The following TXNDC9 variants were observed in gnomAD, a reference collection of about 807,000 sequenced individuals.
TXNDC9 encodes thioredoxin domain containing 9, also known as thioredoxin domain-containing protein 9.
In TXNDC9, 7 loss-of-function variants were observed where a neutral mutation model predicts 23.0. That is an observed-to-expected ratio of 0.30 (90% CI 0.17 to 0.57). The LOEUF (loss-of-function observed/expected upper bound fraction) is 0.57. Among genes scored for constraint, TXNDC9 ranks in the 20% least tolerant of loss-of-function variants. TXNDC9 has a pLI of 0.90. For missense variants in TXNDC9, 198 were observed against 252.6 expected (o/e 0.78, Z 1.47); for synonymous variants, 72 against 90.6 (o/e 0.79, Z 1.17).
chr2:99,332,878 G>T, intron 2 of TXNDC9, 144 bp downstream of exon 2: 1 of 671,270 alleles, frequency 1.5e-6, no homozygotes, highest in Non-Finnish European at 2.5e-6. Context: ...TTTTTTCTGG[G>T]CAAATTTTTA....
chr2:99,306,564 T>C, the TXNDC9 span, among the ~76,000 whole-genome samples: 2 of 152,172 alleles, frequency 1.3e-5, no homozygotes, highest in African/African-American at 4.8e-5. Flanking sequence ...ATGCACCCTT[T>C]CCACAACTTG....
downstream of TXNDC9, among the ~76,000 whole-genome samples, chr2:99,314,372 A>G (rs2094183756): frequency 4.6e-5 from 7 of 152,232 alleles, no homozygotes; most frequent in South Asian, 1.4e-3. Context: ...GTCTGTACCT[A>G]TTAGGTGTAG....
intron 3 of TXNDC9, 184 bp from the exon 4 acceptor site, chr2:99,322,393 AT>A: frequency 8.3e-7 from 1 of 1,208,440 alleles, no homozygotes; most frequent in Non-Finnish European, 1.1e-6. Context: ...TGATTACGAG[AT>A]GGGAAAACAG....
At chr2:99,317,976 T>C (rs1192327036), downstream of TXNDC9, among the ~76,000 whole-genome samples, 1 of 152,196 alleles carries the variant, frequency 6.6e-6, no homozygotes, top group African/African-American at 2.4e-5. Flanking sequence ...CTACAACCTC[T>C]GCCTCTCGCG....
chr2:99,309,319 A>T, the TXNDC9 span, among the ~76,000 whole-genome samples: 5 of 152,116 alleles, frequency 3.3e-5, no homozygotes, highest in South Asian at 8.3e-4. Flanking sequence ...GGGTGGAGTG[A>T]ACCGAGATCA....
chr2:99,311,903 G>A, the TXNDC9 span, among the ~76,000 whole-genome samples: 2 of 152,196 alleles, frequency 1.3e-5, no homozygotes, highest in Admixed American at 6.5e-5. Flanking sequence ...TTGTCAGTTG[G>A]TTTAAAAATA....
chr2:99,313,215 A>G, the TXNDC9 span, among the ~76,000 whole-genome samples: 55 of 152,062 alleles, frequency 3.6e-4, no homozygotes, highest in Non-Finnish European at 7.2e-4. Context: ...AAAACTGCCA[A>G]CCAAGTCTTT....
At chr2:99,318,453 C>A (rs368962598), downstream of TXNDC9, among the ~76,000 whole-genome samples, 189 of 152,118 alleles carry the variant, frequency 1.2e-3, no homozygotes, top group Non-Finnish European at 2.2e-3. Context: ...GGATTATAGG[C>A]GTGAGGCACC....
rs142011678 is a variant in TXNDC9 at position 99,334,782 on chromosome 2, G to A, written c.-33+1457C>T. ...GGCTGGAGTGCAGTGGCGCATCTCC[G>A]CTCACTGCTAGCTCCGCCTCCTGGG... On this transcript the variant is annotated intron_variant, in intron 1 of 4. Transcript: ENST00000264255. 9.6e-3 allele frequency among the ~76,000 whole-genome samples: 1,456 copies of A among 152,172 alleles called. 23 individuals carry two copies. Among genetic ancestry groups the A allele is most frequent in the African/African-American group, 0.033 (1,359 of 41,506 alleles).
At chr2:99,327,742 T>G (rs1399068166) in intron 2 of TXNDC9, 89 bp from the exon 3 acceptor site, 4 of 775,548 alleles carry the variant, frequency 5.2e-6, no homozygotes, top group Non-Finnish European at 4.1e-6. Context: ...ACCATCGTAT[T>G]TTGTAATGAA....
At chr2:99,332,980 A>G in intron 2 of TXNDC9, 42 bp downstream of exon 2, 3 of 1,504,148 alleles carry the variant, frequency 2.0e-6, no homozygotes, top group Non-Finnish European at 2.8e-6. Context: ...TGTTAGGCGC[A>G]TACTGTTATA....
chr2:99,311,491 T>A, the TXNDC9 span, among the ~76,000 whole-genome samples: 1 of 151,956 alleles, frequency 6.6e-6, no homozygotes, highest in East Asian at 1.9e-4. Flanking sequence ...GGGGAGGGGG[T>A]CTCACTATGT....
chr2:99,322,618 A>G, intron 3 of TXNDC9: 8 of 1,545,352 alleles, frequency 5.2e-6, no homozygotes, highest in Non-Finnish European at 7.0e-6. Flanking sequence ...AAAACTGAAC[A>G]GCATTACCGA....
downstream of TXNDC9, among the ~76,000 whole-genome samples, chr2:99,317,610 A>G (rs969083708): frequency 6.6e-6 from 1 of 151,936 alleles, no homozygotes; most frequent in Non-Finnish European, 1.5e-5. Flanking sequence ...TCCTACTATT[A>G]GCACCCACTA....
chr2:99,327,746 T>C, intron 2 of TXNDC9, 93 bp from the exon 3 acceptor site: 1 of 736,586 alleles, frequency 1.4e-6, no homozygotes, highest in Non-Finnish European at 2.2e-6. Flanking sequence ...TCGTATTTTG[T>C]AATGAAGTCA....
At chr2:99,311,549 G>C in the TXNDC9 span, among the ~76,000 whole-genome samples, 10 of 152,170 alleles carry the variant, frequency 6.6e-5, no homozygotes, top group Middle Eastern at 0.01. Flanking sequence ...CCTCGGCTTT[G>C]ACCTCCCAAA....
chr2:99,324,424 A>G (rs1295358658), intron 3 of TXNDC9, among the ~76,000 whole-genome samples: 2 of 152,214 alleles, frequency 1.3e-5, no homozygotes, highest in Non-Finnish European at 2.9e-5. Context: ...GTAGTTCAGT[A>G]ACGAGATTTC....
intron 4 of TXNDC9, chr2:99,321,055 T>C (rs1435700584): frequency 1.3e-5 from 2 of 152,036 alleles, no homozygotes; most frequent in African/African-American, 2.4e-5. Flanking sequence ...TGCAATTTGT[T>C]TAAGGCTTAA....
chr2:99,309,160 C>T, the TXNDC9 span, among the ~76,000 whole-genome samples: 1 of 150,174 alleles, frequency 6.7e-6, no homozygotes, highest in South Asian at 2.1e-4. Context: ...ATTGCTTGAG[C>T]CCTAGAGTTT....
Sources: gnomAD v4.1 joint callset for allele counts (sites outside exome capture counted in the v4.1 genomes callset) on GRCh38, gnomAD v4.1.1 for gene constraint, MANE v1.5 for transcripts, NCBI Gene and HGNC (gene_info 2026-07-23, HGNC 2026-07-21) for gene names.